The following REV1 variants were observed in gnomAD, a reference collection of about 807,000 sequenced individuals.
REV1 encodes the protein REV1 DNA directed polymerase.
Under a neutral mutation model 137.4 loss-of-function variants are expected in REV1, and 42 were observed. That is an observed-to-expected ratio of 0.31 (90% CI 0.24 to 0.40). The LOEUF (loss-of-function observed/expected upper bound fraction) is 0.40, where lower values mean the gene tolerates loss of function less well. Ranked by LOEUF, REV1 falls within the 10% of genes least tolerant of loss-of-function variation. REV1 has a pLI of 1.00. For missense variants in REV1, 1,282 were observed against 1,490.1 expected (o/e 0.86, Z 2.30); for synonymous variants, 524 against 519.2 (o/e 1.01, Z -0.12).
At chr2:99,425,965 G>A (rs757765628) in intron 9 of REV1, among the ~76,000 whole-genome samples, 7 of 152,048 alleles carry the variant, frequency 4.6e-5, no homozygotes, top group Admixed American at 1.3e-4. Flanking sequence ...GAACCTGGAG[G>A]GTGGAGGTTG....
At chr2:99,486,464 G>A (rs982449504) in intron 1 of REV1, among the ~76,000 whole-genome samples, 1 of 152,064 alleles carries the variant, frequency 6.6e-6, no homozygotes, top group Non-Finnish European at 1.5e-5. Context: ...AGGAGGTGGA[G>A]CTTGCAGTGA....
rs1376612523 is a variant in REV1, at chr2:99,416,697, C to T, written c.1951+2131G>A. On this transcript the variant is annotated intron_variant, in intron 12 of 22. Coordinates refer to ENST00000258428, the MANE Select transcript of REV1 (RefSeq NM_016316.4). ...ATCCCAGCACTTTGGGAGGCCGAGG[C>T]GGGCGGATCATGAGGTCAGGAGACC... Among the ~76,000 whole-genome samples the T allele has an allele frequency of 4.0e-5, 6 of 151,872 alleles. No homozygotes were observed. In the South Asian group the frequency reaches 6.2e-4, roughly 16 times the overall value.
intron 3 of REV1, among the ~76,000 whole-genome samples, chr2:99,454,937 T>C (rs1177980420): frequency 2.0e-5 from 3 of 152,188 alleles, no homozygotes; most frequent in Non-Finnish European, 2.9e-5. Context: ...AAGTAAAATG[T>C]CACAAGAGCA....
chr2:99,443,601 C>A (rs1023226942), intron 4 of REV1, among the ~76,000 whole-genome samples: 5 of 152,128 alleles, frequency 3.3e-5, no homozygotes, highest in Non-Finnish European at 5.9e-5. Flanking sequence ...ATATATTTAA[C>A]AATTCTACCT....
intron 3 of REV1, among the ~76,000 whole-genome samples, chr2:99,451,710 T>C (rs1342383207): frequency 6.6e-6 from 1 of 152,066 alleles, no homozygotes; most frequent in Non-Finnish European, 1.5e-5. Flanking sequence ...TTATAAACTA[T>C]GATCACACTA....
At chr2:99,489,353 C>T (rs1209813568) in intron 1 of REV1, among the ~76,000 whole-genome samples, 5 of 152,146 alleles carry the variant, frequency 3.3e-5, no homozygotes, top group Non-Finnish European at 5.9e-5. Flanking sequence ...ATTCTACAAA[C>T]GCTTGTGGAA....
chr2:99,408,736 G>GAAA lies in REV1; in HGVS notation c.2346-606_2346-605insTTT, dbSNP rs28382956. Among the ~76,000 whole-genome samples, 186 of 152,284 alleles carry GAAA rather than the reference G, an allele frequency of 1.2e-3. 1 individual carries two copies. Among genetic ancestry groups the GAAA allele is most frequent in the African/African-American group, 4.2e-3 (176 of 41,562 alleles). ...CCCACCATTTCCTTCAGAGCCTTTTGAGCTTCTCTGGCATGAGCGGGCTGT... is the reference window on the plus strand; with the variant it reads ...CCCACCATTTCCTTCAGAGCCTTTTGAAAAGCTTCTCTGGCATGAGCGGGCTGT... On this transcript the variant is annotated intron_variant, in intron 14 of 22. Coordinates refer to ENST00000258428, the MANE Select transcript of REV1 (RefSeq NM_016316.4).
chr2:99,480,543 C>G (rs551652896), intron 1 of REV1, among the ~76,000 whole-genome samples: 30 of 152,248 alleles, frequency 2.0e-4, no homozygotes, highest in African/African-American at 6.3e-4. Context: ...TACACCATAA[C>G]GTATAAATCT....
At chr2:99,450,651 C>T (rs1418571169) in intron 3 of REV1, among the ~76,000 whole-genome samples, 1 of 152,076 alleles carries the variant, frequency 6.6e-6, no homozygotes, top group South Asian at 2.1e-4. Context: ...AAATATTATG[C>T]AAGCCACATA....
intron 3 of REV1, among the ~76,000 whole-genome samples, chr2:99,452,124 A>T (rs533198976): frequency 1.3e-5 from 2 of 152,264 alleles, no homozygotes; most frequent in South Asian, 4.1e-4. Context: ...ATGTGGGGTT[A>T]ATTAGAAAAA....
chr2:99,481,397 AAT>A (rs1013782020), intron 1 of REV1, among the ~76,000 whole-genome samples: 3 of 152,220 alleles, frequency 2.0e-5, no homozygotes, highest in Admixed American at 6.5e-5. Flanking sequence ...CAATAAAAAA[AAT>A]GTTATGTAGT....
intron 6 of REV1, among the ~76,000 whole-genome samples, chr2:99,436,494 C>A (rs1346171985): frequency 7.9e-5 from 12 of 152,188 alleles, no homozygotes; most frequent in African/African-American, 2.9e-4. Context: ...GATTTCAGAG[C>A]CTTTAAACTA....
chr2:99,460,419 C>G (rs896917625), intron 3 of REV1, among the ~76,000 whole-genome samples: 1 of 152,184 alleles, frequency 6.6e-6, no homozygotes, highest in Non-Finnish European at 1.5e-5. Flanking sequence ...CTGACAAAGT[C>G]TGCACCTTTG....
chr2:99,417,880 TCTA>T (rs1678106734), intron 12 of REV1, among the ~76,000 whole-genome samples: 1 of 152,388 alleles, frequency 6.6e-6, no homozygotes, highest in East Asian at 1.9e-4. Flanking sequence ...AACTGTGTTG[TCTA>T]CTACAGTAAT....
intron 5 of REV1, among the ~76,000 whole-genome samples, chr2:99,441,458 A>C (rs1170002779): frequency 1.3e-5 from 2 of 152,140 alleles, no homozygotes; most frequent in Non-Finnish European, 2.9e-5. Flanking sequence ...TGCAATTAAA[A>C]GCTTAAATTA....
chr2:99,419,984 G>A (rs1678447892), intron 11 of REV1, among the ~76,000 whole-genome samples: 1 of 152,238 alleles, frequency 6.6e-6, no homozygotes, highest in Non-Finnish European at 1.5e-5. Context: ...GCACTGAGGA[G>A]TGGAAATATA....
chr2:99,406,101 G>A lies in REV1; in HGVS notation c.2620C>T (p.Arg874Trp), dbSNP rs368815341. The change falls in exon 17 of 23, where the codon CGG becomes TGG. Residue 874 changes from arginine to tryptophan, a missense_variant. By Grantham distance (101) the Arg-to-Trp change is moderately radical. This residue lies in a region of REV1 where 372 missense variants were observed against 482.3 expected (regional missense o/e 0.77). Coordinates refer to ENST00000258428, the MANE Select transcript of REV1 (RefSeq NM_016316.4). ...GATATTTCCAGATCCACAGCAGCCC[G>A]AAATACTACAAAAAGAAAATATATA... The part of the protein sequence containing the change: ...STEEEHKEVF[R>W]AAVDLEISSA... 4.2e-5 allele frequency: 67 copies of A among 1,609,352 alleles called. No homozygotes were observed. Among genetic ancestry groups the A allele is most frequent in the East Asian group, 2.2e-4 (10 of 44,756 alleles).
chr2:99,445,100 T>C (rs1682024524), intron 4 of REV1, among the ~76,000 whole-genome samples: 1 of 150,824 alleles, frequency 6.6e-6, no homozygotes, highest in African/African-American at 2.4e-5. Flanking sequence ...GTCTTACTCT[T>C]GCTTTGTCCT....
intron 1 of REV1, among the ~76,000 whole-genome samples, chr2:99,479,600 A>G (rs1379597885): frequency 6.6e-6 from 1 of 151,868 alleles, no homozygotes; most frequent in Non-Finnish European, 1.5e-5. Context: ...GACCAGCCTG[A>G]GCAACACAGC....
Sources: allele counts gnomAD v4.1 joint callset (sites outside exome capture counted in the v4.1 genomes callset), GRCh38; gene constraint gnomAD v4.1.1; regional missense constraint gnomAD v4.1.1; transcripts MANE v1.5; gene names NCBI Gene and HGNC (gene_info 2026-07-23, HGNC 2026-07-21).